The following TAOK1 variants were observed in gnomAD, a reference collection of about 807,000 sequenced individuals.
TAOK1 encodes TAO kinase 1.
Under a neutral mutation model 138.3 loss-of-function variants are expected in TAOK1, and 21 were observed. The ratio of observed to expected loss-of-function variants is 0.15; its 90% CI spans 0.11 to 0.22. The LOEUF (loss-of-function observed/expected upper bound fraction) is 0.22. Ranked by LOEUF, TAOK1 falls within the 10% of genes least tolerant of loss-of-function variation. TAOK1 has a pLI of 1.00. For missense variants in TAOK1, 651 were observed against 1,227.7 expected (o/e 0.53, Z 7.02); for synonymous variants, 361 against 398.4 (o/e 0.91, Z 1.12).
intron 19 of TAOK1, among the ~76,000 whole-genome samples, chr17:29,534,632 G>A (rs2032191151): frequency 6.6e-6 from 1 of 152,244 alleles, no homozygotes; most frequent in South Asian, 2.1e-4. Flanking sequence ...CTCTACCTAA[G>A]GAGGTTGGAG....
intron 12 of TAOK1, among the ~76,000 whole-genome samples, chr17:29,502,153 G>T (rs2031541963): frequency 6.6e-6 from 1 of 152,172 alleles, no homozygotes; most frequent in African/African-American, 2.4e-5. Flanking sequence ...TGAAAATAAA[G>T]TTGGACATAT....
rs149619463 is a variant in TAOK1, at chr17:29,491,965, G to T, written c.831+100G>T. 18 of 828,430 alleles carry T rather than the reference G, an allele frequency of 2.2e-5. No individual in the cohort carries two copies. The East Asian group carries it at 4.6e-4, about 21-fold the overall frequency. The allele number at this position is 828,430 out of a possible 1,614,324, so 51.3% of individuals were successfully genotyped here. ...CAGTGGCACAATCACGTCTCCTGCA[G>T]CCTTGACCTCCCAGGCTCAAGCGAT... is the stretch of plus-strand genomic sequence containing the variant. On this transcript the variant is annotated intron_variant, in intron 10 of 19. Transcript: ENST00000261716.
intron 2 of TAOK1, among the ~76,000 whole-genome samples, chr17:29,459,506 C>T (rs1436258515): frequency 2.6e-5 from 4 of 151,668 alleles, no homozygotes; most frequent in Admixed American, 6.6e-5. Flanking sequence ...AGGCTGGTCT[C>T]GAACTCCTGA....
At position 29,551,374 on chromosome 17, in the gene TAOK1, CCT is replaced by C. The variant is rs1291977589; in HGVS notation, c.*8353_*8354del. ...CTTCATCTTCTCATCTCCCAAACCCCCTGAGCCCGTAGGGTTTTCATAGTGGA... is the reference window on the plus strand; with the variant it reads ...CTTCATCTTCTCATCTCCCAAACCCCGAGCCCGTAGGGTTTTCATAGTGGA... On this transcript the variant is annotated 3_prime_UTR_variant, in exon 20 of 20. Transcript: ENST00000261716. 6 of 152,194 alleles carry C rather than the reference CCT, an allele frequency of 3.9e-5. No individual in the cohort carries two copies. Among genetic ancestry groups the C allele is most frequent in the Non-Finnish European group, 8.8e-5 (6 of 68,042 alleles). The allele number at this position is 152,194 out of a possible 1,614,324, so 9.4% of individuals were successfully genotyped here. A position where few individuals can be genotyped will look rare whatever the true frequency, so the allele number is the denominator to read the frequency against.
At chr17:29,444,109 T>C (rs2030016065) in intron 1 of TAOK1, among the ~76,000 whole-genome samples, 1 of 130,268 alleles carries the variant, frequency 7.7e-6, no homozygotes, top group Non-Finnish European at 1.6e-5. Flanking sequence ...AGTGAGACTG[T>C]CTCAGAAAAA....
At position 29,522,331 on chromosome 17, in the gene TAOK1, C is replaced by T. The variant is rs2031934299; in HGVS notation, c.1960C>T (p.Arg654Ter). The change falls in exon 17 of 20, where the codon CGA becomes TGA. Residue 654 changes from arginine (R) to a stop codon, truncating the protein, a stop_gained. Coordinates refer to ENST00000261716, the MANE Select transcript of TAOK1 (RefSeq NM_020791.4). LOFTEE classifies it high-confidence loss of function. ...QKDLEHAMLL[R>*]QHESMQELEF... ...GGACTTAGAGCATGCCATGCTACTCCGACAGCATGAATCTATGCAAGAACT... is the reference window on the plus strand; with the variant it reads ...GGACTTAGAGCATGCCATGCTACTCTGACAGCATGAATCTATGCAAGAACT... 1.9e-6 allele frequency: 3 copies of T among 1,614,130 alleles called. No homozygotes were observed. Among genetic ancestry groups the T allele is most frequent in the Non-Finnish European group, 1.7e-6 (2 of 1,180,010 alleles).
chr17:29,499,544 T>G (rs1314326052), intron 12 of TAOK1, among the ~76,000 whole-genome samples: 1 of 139,784 alleles, frequency 7.2e-6, no homozygotes, highest in Non-Finnish European at 1.5e-5. Context: ...TTATATCTTT[T>G]TTTCTTTCTT....
chr17:29,444,326 CT>C (rs2030024490), intron 1 of TAOK1, among the ~76,000 whole-genome samples: 1 of 152,138 alleles, frequency 6.6e-6, no homozygotes, highest in Admixed American at 6.6e-5. Flanking sequence ...ATTGACAGCT[CT>C]GTTGTAACAA....
At chr17:29,420,245 T>C (rs1905388977) in intron 1 of TAOK1, among the ~76,000 whole-genome samples, 1 of 151,826 alleles carries the variant, frequency 6.6e-6, no homozygotes, top group Admixed American at 6.6e-5. Flanking sequence ...TTTCTGCATG[T>C]TGCCCAGGCT....
In TAOK1 at chr17:29,467,132, C is replaced by CT. The variant is rs1453475954; in HGVS notation, c.133-10dup. 2 of 1,570,394 alleles carry CT rather than the reference C, an allele frequency of 1.3e-6. No homozygotes were observed. Among genetic ancestry groups the CT allele is most frequent in the Non-Finnish European group, 1.7e-6 (2 of 1,158,384 alleles). On this transcript the variant is annotated splice_polypyrimidine_tract_variant and intron_variant, in intron 2 of 19. Transcript: ENST00000261716. Reference sequence around the variant, plus strand: ...TAATTTTTACAGTGCTTCTTTCTTTCTTTCTTCTTTAGGCACGAGATGTGC... The same window carrying CT: ...TAATTTTTACAGTGCTTCTTTCTTTCTTTTCTTCTTTAGGCACGAGATGTGC...
intron 1 of TAOK1, among the ~76,000 whole-genome samples, chr17:29,448,011 C>A (rs1388891017): frequency 7.3e-6 from 1 of 137,704 alleles, no homozygotes; most frequent in Non-Finnish European, 1.5e-5. Flanking sequence ...GCTTTCATAC[C>A]GAGTTTATCT....
At position 29,480,634 on chromosome 17, in the gene TAOK1, C is replaced by T. The variant is rs1337835662; in HGVS notation, c.563+153C>T. Among the ~76,000 whole-genome samples, 11 of 151,836 alleles carry T rather than the reference C, an allele frequency of 7.2e-5. 1 individual carries two copies. The highest frequency in any genetic ancestry group is 1.0e-4 in the Non-Finnish European group (7 of 67,948). ...CTGTAATCCCAGAACTTTGGGAGGCCGAGGCAGACAGATCACTTGAGGTCA... is the reference window on the plus strand; with the variant it reads ...CTGTAATCCCAGAACTTTGGGAGGCTGAGGCAGACAGATCACTTGAGGTCA... On this transcript the variant is annotated intron_variant, in intron 7 of 19. Coordinates refer to ENST00000261716, the MANE Select transcript of TAOK1 (RefSeq NM_020791.4).
rs1302559341 is a variant in TAOK1, at chr17:29,452,892, C to T, written c.132+1212C>T. 2.0e-5 allele frequency among the ~76,000 whole-genome samples: 3 copies of T among 152,144 alleles called. No homozygotes were observed. The East Asian group carries it at 5.8e-4, about 29-fold the overall frequency. On this transcript the variant is annotated intron_variant, in intron 2 of 19. Coordinates refer to ENST00000261716, the MANE Select transcript of TAOK1 (RefSeq NM_020791.4). ...GTTTATCTATACATCTGTTGATGAA[C>T]ACATGGGTTGTTTCCACTTTTGACT...
rs1271530578 is a variant in TAOK1 at position 29,426,115 on chromosome 17, C to T, written c.-94-25340C>T. 5.3e-5 allele frequency among the ~76,000 whole-genome samples: 8 copies of T among 152,164 alleles called. No homozygotes were observed. In the East Asian group the frequency reaches 1.2e-3, roughly 22 times the overall value. ...CAGGATGGTCTCGATCTCCTGACCT[C>T]GTGATCCACCTGCCTCAGCCTCCCA... On this transcript the variant is annotated intron_variant, in intron 1 of 19. Transcript: ENST00000261716.
chr17:29,481,829 G>A (rs1293378640), intron 7 of TAOK1, among the ~76,000 whole-genome samples: 19 of 151,932 alleles, frequency 1.3e-4, no homozygotes, highest in African/African-American at 4.6e-4. Context: ...GCATGGTGGC[G>A]GGCGCCTGTA....
At chr17:29,479,350 T>C (rs1440314562) in intron 6 of TAOK1, among the ~76,000 whole-genome samples, 1 of 152,206 alleles carries the variant, frequency 6.6e-6, no homozygotes, top group African/African-American at 2.4e-5. Flanking sequence ...TTAAACTATA[T>C]AATAGAGTCA....
intron 2 of TAOK1, among the ~76,000 whole-genome samples, chr17:29,463,718 C>CA (rs1325061161): frequency 6.6e-6 from 1 of 152,060 alleles, no homozygotes; most frequent in African/African-American, 2.4e-5. Flanking sequence ...AAAGTGTGAA[C>CA]AACAACAACA....
At chr17:29,432,885 G>A (rs568884775) in intron 1 of TAOK1, among the ~76,000 whole-genome samples, 1 of 151,958 alleles carries the variant, frequency 6.6e-6, no homozygotes, top group African/African-American at 2.4e-5. Context: ...TTAGCCTCCT[G>A]AGTAGTTAGG....
chr17:29,396,245 A>C (rs148307290), intron 1 of TAOK1, among the ~76,000 whole-genome samples: 1 of 152,258 alleles, frequency 6.6e-6, no homozygotes, highest in African/African-American at 2.4e-5. Flanking sequence ...GTATCAGTCT[A>C]TTTGTGCCAG....
Sources: gnomAD v4.1 joint callset for allele counts (sites outside exome capture counted in the v4.1 genomes callset) on GRCh38, gnomAD v4.1.1 for gene constraint, MANE v1.5 for transcripts, NCBI Gene and HGNC (gene_info 2026-07-23, HGNC 2026-07-21) for gene names.